Variants in TAFA2 observed in about 807,000 individuals in gnomAD.
TAFA2 encodes TAFA chemokine like family member 2.
Under a neutral mutation model 18.8 loss-of-function variants are expected in TAFA2, and 7 were observed. That is an observed-to-expected ratio of 0.37 (90% CI 0.21 to 0.70). TAFA2 has a LOEUF of 0.70. Among genes scored for constraint, TAFA2 ranks in the 30% least tolerant of loss-of-function variants. The probability of loss-of-function intolerance (pLI) is 0.53; values close to 1 mark genes in which losing one functional copy is unlikely to be tolerated. For synonymous variants in TAFA2, 60 were observed against 54.2 expected, an observed-to-expected ratio of 1.11 and a Z score of -0.47; for missense variants, 122 against 158.1, an observed-to-expected ratio of 0.77 and a Z score of 1.23.
intron 2 of TAFA2, among the ~76,000 whole-genome samples, chr12:61,757,099 A>G (rs1869309130): frequency 6.6e-6 from 1 of 152,110 alleles, no homozygotes; most frequent in African/African-American, 2.4e-5. Flanking sequence ...TCTATCTATT[A>G]GAATTTTACT....
At chr12:61,879,850 G>T in intron 1 of TAFA2, 1 of 1,088,624 alleles carries the variant, frequency 9.2e-7, no homozygotes. Flanking sequence ...AGGACTTCAA[G>T]AAGAAGTACC....
chr12:62,123,527 A>G (rs1187071324), intron 1 of TAFA2, among the ~76,000 whole-genome samples: 1 of 152,154 alleles, frequency 6.6e-6, no homozygotes, highest in Admixed American at 6.6e-5. Flanking sequence ...AGAAAAAAAA[A>G]GTGGTCAGAT....
intron 2 of TAFA2, among the ~76,000 whole-genome samples, chr12:61,862,101 G>T (rs916716841): frequency 2.6e-5 from 4 of 152,148 alleles, no homozygotes; most frequent in African/African-American, 9.7e-5. Flanking sequence ...GGTAAGGAAA[G>T]AAAAGACAAG....
intron 4 of TAFA2, among the ~76,000 whole-genome samples, chr12:61,715,199 C>T (rs1296831704): frequency 5.3e-5 from 8 of 152,122 alleles, no homozygotes; most frequent in African/African-American, 1.4e-4. Context: ...ACTTAATTTT[C>T]TGTTGCTTAT....
At chr12:61,859,775 G>C (rs1361007180) in intron 2 of TAFA2, among the ~76,000 whole-genome samples, 1 of 152,150 alleles carries the variant, frequency 6.6e-6, no homozygotes, top group Non-Finnish European at 1.5e-5. Context: ...TCAAAAATAA[G>C]AAGTTGGGAA....
At chr12:62,095,401 T>C (rs1868906572) in intron 1 of TAFA2, among the ~76,000 whole-genome samples, 1 of 152,080 alleles carries the variant, frequency 6.6e-6, no homozygotes, top group Non-Finnish European at 1.5e-5. Context: ...TGATAGAGAA[T>C]AAAGTGGGTG....
chr12:62,124,172 T>C (rs947339630), intron 1 of TAFA2, among the ~76,000 whole-genome samples: 1 of 152,076 alleles, frequency 6.6e-6, no homozygotes, highest in South Asian at 2.1e-4. Flanking sequence ...AAGATAATGA[T>C]ATAAAACTGT....
chr12:62,095,105 T>C (rs1432940638), intron 1 of TAFA2, among the ~76,000 whole-genome samples: 1 of 152,076 alleles, frequency 6.6e-6, no homozygotes, highest in Non-Finnish European at 1.5e-5. Flanking sequence ...ATAGTAAAAG[T>C]GTCCTTCGTA....
At chr12:61,949,257 C>A (rs759557575) in intron 1 of TAFA2, among the ~76,000 whole-genome samples, 2 of 152,132 alleles carry the variant, frequency 1.3e-5, no homozygotes, top group Non-Finnish European at 2.9e-5. Context: ...GAACATCAAT[C>A]TTTTCCTGCT....
chr12:62,130,911 G>A (rs1295326462), intron 1 of TAFA2, among the ~76,000 whole-genome samples: 1 of 151,974 alleles, frequency 6.6e-6, no homozygotes, highest in African/African-American at 2.4e-5. Flanking sequence ...ACAAGAAAGC[G>A]AAAATCATGT....
intron 1 of TAFA2, among the ~76,000 whole-genome samples, chr12:61,872,176 AG>A (rs374894450): frequency 1.3e-5 from 2 of 152,154 alleles, no homozygotes; most frequent in African/African-American, 4.8e-5. Context: ...GGAAGGAAAA[AG>A]GGGGGGAATA....
At chr12:62,233,703 C>A (rs776960508) in intron 1 of TAFA2, among the ~76,000 whole-genome samples, 5 of 152,160 alleles carry the variant, frequency 3.3e-5, no homozygotes, top group South Asian at 4.1e-4. Flanking sequence ...ATGAAAGATT[C>A]TTTGAGTATC....
At chr12:62,180,287 A>G (rs192584043) in intron 1 of TAFA2, among the ~76,000 whole-genome samples, 4 of 152,292 alleles carry the variant, frequency 2.6e-5, no homozygotes, top group Admixed American at 6.5e-5. Context: ...CAAAAATTAG[A>G]TTGAGCTTAG....
chr12:62,137,709 G>A (rs1870954776), intron 1 of TAFA2, among the ~76,000 whole-genome samples: 1 of 151,728 alleles, frequency 6.6e-6, no homozygotes, highest in African/African-American at 2.4e-5. Context: ...CTGGATTATT[G>A]TAATGGCCTC....
At chr12:62,157,603 C>T (rs957679756) in intron 1 of TAFA2, among the ~76,000 whole-genome samples, 4 of 152,182 alleles carry the variant, frequency 2.6e-5, no homozygotes, top group African/African-American at 7.2e-5. Flanking sequence ...CCAGGTCATT[C>T]CCAGATCAGG....
chr12:61,923,273 G>T lies in TAFA2; in HGVS notation c.-1-55847C>A, dbSNP rs151195444. Among the ~76,000 whole-genome samples the T allele has an allele frequency of 5.3e-5, 8 of 152,306 alleles. No individual in the cohort carries two copies. The East Asian group carries it at 1.4e-3, about 26-fold the overall frequency. On this transcript the variant is annotated intron_variant, in intron 1 of 4. Transcript: ENST00000416284. ...AGACTGCCTCCTCAAGTGAGTCCCT[G>T]ATCCCCATACTTCCTGACTGGGAGA...
At chr12:61,922,591 T>G (rs1246138733) in intron 1 of TAFA2, among the ~76,000 whole-genome samples, 6 of 152,198 alleles carry the variant, frequency 3.9e-5, no homozygotes, top group African/African-American at 1.4e-4. Flanking sequence ...TCCCATGGTC[T>G]TTGCAACCCG....
chr12:61,849,935 C>A (rs937439527), intron 2 of TAFA2, among the ~76,000 whole-genome samples: 1 of 152,050 alleles, frequency 6.6e-6, no homozygotes, highest in African/African-American at 2.4e-5. Flanking sequence ...TGAATCTATA[C>A]GCTATTAGGA....
intron 2 of TAFA2, among the ~76,000 whole-genome samples, chr12:61,803,514 A>T (rs971110696): frequency 2.0e-4 from 31 of 151,916 alleles, no homozygotes; most frequent in African/African-American, 6.5e-4. Flanking sequence ...ATTAAGAGCA[A>T]TATACTACAA....
Sources: gnomAD v4.1 joint callset for allele counts (sites outside exome capture counted in the v4.1 genomes callset) on GRCh38, gnomAD v4.1.1 for gene constraint, MANE v1.5 for transcripts, NCBI Gene and HGNC (gene_info 2026-07-23, HGNC 2026-07-21) for gene names.